Variants in ACTR1A observed in about 807,000 individuals in gnomAD.
ACTR1A encodes actin related protein 1A.
A neutral mutation model predicts 50.7 loss-of-function variants in ACTR1A; 10 were observed. The observed-to-expected ratio is 0.20, with a 90% CI of 0.12 to 0.33. ACTR1A has a LOEUF of 0.33. Ranked by LOEUF, ACTR1A falls within the 10% of genes least tolerant of loss-of-function variation. The pLI is 1.00. For synonymous variants in ACTR1A, 177 were observed against 184.2 expected (o/e 0.96, Z 0.32); for missense variants, 253 against 491.7 (o/e 0.51, Z 4.59).
At chr10:102,485,234 G>T (rs3781289) in intron 5 of ACTR1A, among the ~76,000 whole-genome samples, 53,549 of 152,036 alleles carry the variant, frequency 0.35, 9,605 homozygotes, top group African/African-American at 0.39. Context: ...GATCATGGTT[G>T]TCTCACAGCC....
At position 102,488,860 on chromosome 10, in the gene ACTR1A, G is replaced by C. The variant is rs917594045; in HGVS notation, c.189+203C>G. Reference sequence around the variant, plus strand: ...CAGTGTGTCCCAAAGTGAGGTCCCAGGTATTTTCTTCTCCAAGACCACAGG... The same window carrying C: ...CAGTGTGTCCCAAAGTGAGGTCCCACGTATTTTCTTCTCCAAGACCACAGG... On this transcript the variant is annotated intron_variant, in intron 3 of 10. Coordinates refer to ENST00000369905, the MANE Select transcript of ACTR1A (RefSeq NM_005736.4). This position sits in a 1 kb window ranked among gnomAD's most constrained non-coding sequence, Gnocchi z 4.4. Among the ~76,000 whole-genome samples, 7 of 152,180 alleles carry C rather than the reference G, an allele frequency of 4.6e-5. No homozygotes were observed. The highest frequency in any genetic ancestry group is 8.8e-5 in the Non-Finnish European group (6 of 68,028).
intron 1 of ACTR1A, among the ~76,000 whole-genome samples, chr10:102,497,295 T>C (rs1161541581): frequency 3.3e-5 from 5 of 152,196 alleles, no homozygotes; most frequent in African/African-American, 1.2e-4. Context: ...CCTTACACTA[T>C]TCCTTCTCCT....
chr10:102,492,283 C>A (rs2062198540), intron 1 of ACTR1A, among the ~76,000 whole-genome samples: 1 of 150,254 alleles, frequency 6.7e-6, no homozygotes. Context: ...GTTGGTCAGG[C>A]TGGTCTCGAA....
At position 102,480,789 on chromosome 10, in the gene ACTR1A, A is replaced by T. The variant is rs17113501; in HGVS notation, c.*74T>A. ...CACTCACACACAGGCAGTTCCTCGC[A>T]AACACTCCGACTCAAGAAAGCGAGT... On this transcript the variant is annotated 3_prime_UTR_variant, in exon 11 of 11. Coordinates refer to ENST00000369905, the MANE Select transcript of ACTR1A (RefSeq NM_005736.4). 2,518 of 1,267,596 alleles carry T rather than the reference A, an allele frequency of 2.0e-3. 35 individuals are homozygous for T. The African/African-American group carries it at 0.033, about 16-fold the overall frequency. 78.5% of individuals were successfully genotyped at this position (1,267,596 alleles called of 1,614,324 possible). A position where few individuals can be genotyped will look rare whatever the true frequency, so the allele number is the denominator to read the frequency against.
In ACTR1A at chr10:102,488,403, G is replaced by A. The variant is rs549980514; in HGVS notation, c.190-128C>T. ...CAGCTTCCTGAGCTTCCACCCTGCT[G>A]TCCTTGCCCAGGGCTAAGGGTGGGC... is the stretch of plus-strand genomic sequence containing the variant. On this transcript the variant is annotated intron_variant, in intron 3 of 10. Transcript: ENST00000369905. This position sits in a 1 kb window ranked among gnomAD's most constrained non-coding sequence, Gnocchi z 4.4. 316 of 1,359,614 alleles carry A rather than the reference G, an allele frequency of 2.3e-4. No homozygotes were observed. The African/African-American group carries it at 3.9e-3, about 17-fold the overall frequency. The allele number at this position is 1,359,614 out of a possible 1,614,324, so 84.2% of individuals were successfully genotyped here.
chr10:102,479,530 C>T lies in ACTR1A; in HGVS notation c.*1333G>A. ...TGAAGACAGGCTGGCCCCAGCTTTG[C>T]ACCATCTAGGCTGAAGGCCTTTGGA... On this transcript the variant is annotated 3_prime_UTR_variant, in exon 11 of 11. Transcript: ENST00000369905. This position sits in a 1 kb window ranked among gnomAD's most constrained non-coding sequence, Gnocchi z 4.0. The T allele has an allele frequency of 1.9e-6, 2 of 1,065,488 alleles. No individual in the cohort carries two copies. The highest frequency in any genetic ancestry group is 1.3e-6 in the Non-Finnish European group (1 of 797,264). The allele number at this position is 1,065,488 out of a possible 1,614,324, so 66.0% of individuals were successfully genotyped here. A position where few individuals can be genotyped will look rare whatever the true frequency, so the allele number is the denominator to read the frequency against.
intron 5 of ACTR1A, 59 bp from the exon 6 acceptor site, chr10:102,484,435 A>T: frequency 1.8e-5 from 25 of 1,424,440 alleles, no homozygotes; most frequent in Non-Finnish European, 2.5e-5. Flanking sequence ...GAAGAAATAC[A>T]CTTCTTTATT....
At position 102,481,981 on chromosome 10, in the gene ACTR1A, C is replaced by T. The variant is rs750339503; in HGVS notation, c.925+20G>A. On this transcript the variant is annotated intron_variant, in intron 8 of 10. Transcript: ENST00000369905. Reference sequence around the variant, plus strand: ...GAGCTGAACACTTCCAGGGGAAGGGCTCCAAGAGAAGAGACAAACCTTTGA... The same window carrying T: ...GAGCTGAACACTTCCAGGGGAAGGGTTCCAAGAGAAGAGACAAACCTTTGA... 4 of 1,613,902 alleles carry T rather than the reference C, an allele frequency of 2.5e-6. No individual in the cohort carries two copies. The highest frequency in any genetic ancestry group is 2.5e-6 in the Non-Finnish European group (3 of 1,180,008).
At chr10:102,493,398 G>C (rs1236567085) in intron 1 of ACTR1A, among the ~76,000 whole-genome samples, 2 of 152,244 alleles carry the variant, frequency 1.3e-5, no homozygotes, top group Admixed American at 1.3e-4. Flanking sequence ...GATGAGATCT[G>C]TCCTTCAGAC....
intron 1 of ACTR1A, among the ~76,000 whole-genome samples, chr10:102,491,453 C>T (rs2062191272): frequency 6.6e-6 from 1 of 152,206 alleles, no homozygotes. Context: ...GTTCTTATTG[C>T]AAGGGCAGAG....
chr10:102,486,438 C>G (rs2062168344), intron 4 of ACTR1A, among the ~76,000 whole-genome samples: 1 of 152,092 alleles, frequency 6.6e-6, no homozygotes, highest in Admixed American at 6.6e-5. Context: ...ACCTGTAATC[C>G]CAGCACCTTG....
chr10:102,488,065 C>A lies in ACTR1A; in HGVS notation c.315+85G>T. The A allele has an allele frequency of 6.6e-7, 1 of 1,504,002 alleles. No individual in the cohort carries two copies. The allele number at this position is 1,504,002 out of a possible 1,614,324, so 93.2% of individuals were successfully genotyped here. ...TGGCTCCAGCACTCTTGGCAGTGAT[C>A]ATCGTCCTCCTCATCATCTCTAGGG... On this transcript the variant is annotated intron_variant, in intron 4 of 10. Transcript: ENST00000369905. This position sits in a 1 kb window ranked among gnomAD's most constrained non-coding sequence, Gnocchi z 4.4.
In ACTR1A at chr10:102,483,998, A is replaced by G. The variant is rs2062154969; in HGVS notation, c.657+162T>C. 8.0e-6 allele frequency: 5 copies of G among 626,052 alleles called. No individual in the cohort carries two copies. In the Admixed American group the frequency reaches 8.7e-5, roughly 11 times the overall value. The allele number at this position is 626,052 out of a possible 1,614,324, so 38.8% of individuals were successfully genotyped here. A position where few individuals can be genotyped will look rare whatever the true frequency, so the allele number is the denominator to read the frequency against. On this transcript the variant is annotated intron_variant, in intron 6 of 10. Coordinates refer to ENST00000369905, the MANE Select transcript of ACTR1A (RefSeq NM_005736.4). ...AGATGGCAGCACGTCAGGAAGGCGA[A>G]TCTGTCAGTGTGACGTAGGGGAGAC...
At chr10:102,497,590 A>C (rs1283916494) in intron 1 of ACTR1A, among the ~76,000 whole-genome samples, 1 of 152,050 alleles carries the variant, frequency 6.6e-6, no homozygotes, top group Non-Finnish European at 1.5e-5. Flanking sequence ...TCATCTCTAA[A>C]AAAAATTTAA....
rs769167969 is a variant in ACTR1A, at chr10:102,488,309, C to T, written c.190-34G>A. 33 of 1,605,784 alleles carry T rather than the reference C, an allele frequency of 2.1e-5. No homozygotes were observed. Among genetic ancestry groups the T allele is most frequent in the Non-Finnish European group, 2.6e-5 (31 of 1,173,134 alleles). ...AGAGAACAGGACTTACGACTGCAGT[C>T]AGGCTCCACCCAGGACCCTGTTCTC... On this transcript the variant is annotated intron_variant, in intron 3 of 10. Coordinates refer to ENST00000369905, the MANE Select transcript of ACTR1A (RefSeq NM_005736.4). The surrounding 1 kb of genome is among the most constrained non-coding windows in gnomAD (Gnocchi z 4.4).
At chr10:102,483,984 C>T (rs769675285) in intron 6 of ACTR1A, 176 bp downstream of exon 6, 14 of 607,368 alleles carry the variant, frequency 2.3e-5, no homozygotes, top group Middle Eastern at 4.4e-4. Flanking sequence ...GATGGCAGCA[C>T]GTCAGGAAGG....
rs953739198 is a variant in ACTR1A, at chr10:102,482,828, C to T, written c.750+183G>A. The T allele has an allele frequency of 1.8e-5, 11 of 602,356 alleles. No individual in the cohort carries two copies. Among genetic ancestry groups the T allele is most frequent in the East Asian group, 1.1e-4 (4 of 37,358 alleles). The allele number at this position is 602,356 out of a possible 1,614,324, so 37.3% of individuals were successfully genotyped here. A position where few individuals can be genotyped will look rare whatever the true frequency, so the allele number is the denominator to read the frequency against. ...TCTCATAATGTTTTAAGAAAGTTTA[C>T]GACTTTGTGTTGGGCCTTACTGAAA... On this transcript the variant is annotated intron_variant, in intron 7 of 10. Transcript: ENST00000369905. The surrounding 1 kb of genome is among the most constrained non-coding windows in gnomAD (Gnocchi z 5.6).
chr10:102,480,994 G>T, intron 10 of ACTR1A, 29 bp from the exon 11 acceptor site: 1 of 1,594,814 alleles, frequency 6.3e-7, no homozygotes, highest in Non-Finnish European at 8.6e-7. Flanking sequence ...GAGGAACTGT[G>T]TGAGAGAGAA....
At chr10:102,484,513 G>T in intron 5 of ACTR1A, 137 bp from the exon 6 acceptor site, 1 of 730,262 alleles carries the variant, frequency 1.4e-6, no homozygotes, top group Non-Finnish European at 2.2e-6. Flanking sequence ...AATGGACTGG[G>T]TACTAAGGAA....
Sources: allele counts gnomAD v4.1 joint callset (sites outside exome capture counted in the v4.1 genomes callset), GRCh38; gene constraint gnomAD v4.1.1; non-coding constraint Gnocchi (gnomAD v3.1); transcripts MANE v1.5; gene names NCBI Gene and HGNC (gene_info 2026-07-23, HGNC 2026-07-21).